LRRC4C: variants seen among roughly 807,000 people sequenced by gnomAD.
LRRC4C encodes leucine rich repeat containing 4C.
In LRRC4C, 5 loss-of-function variants were observed where a neutral mutation model predicts 33.6. The observed-to-expected ratio is 0.15, with a 90% CI of 0.08 to 0.31. The LOEUF (loss-of-function observed/expected upper bound fraction) is 0.31. Among genes scored for constraint, LRRC4C ranks in the 10% least tolerant of loss-of-function variants. The pLI is 1.00. For synonymous variants in LRRC4C, 329 were observed against 302.0 expected (o/e 1.09, Z -0.93); for missense variants, 560 against 796.7 (o/e 0.70, Z 3.58).
chr11:40,211,854 G>T (rs1337196185), intron 5 of LRRC4C, among the ~76,000 whole-genome samples: 1 of 152,048 alleles, frequency 6.6e-6, no homozygotes, highest in Non-Finnish European at 1.5e-5. Context: ...GAGCTTTAGC[G>T]GTCACTGTGG....
chr11:41,255,057 A>C (rs1470682493), intron 1 of LRRC4C, among the ~76,000 whole-genome samples: 1 of 152,034 alleles, frequency 6.6e-6, no homozygotes, highest in Non-Finnish European at 1.5e-5. Context: ...CAAGGGTAAA[A>C]TTAACCTATG....
intron 1 of LRRC4C, among the ~76,000 whole-genome samples, chr11:41,062,061 G>T (rs1387102874): frequency 6.6e-6 from 1 of 152,272 alleles, no homozygotes; most frequent in Non-Finnish European, 1.5e-5. Context: ...TGGCAGAAGG[G>T]AGTTCTCACT....
chr11:40,773,015 A>C (rs2137188741), intron 2 of LRRC4C, among the ~76,000 whole-genome samples: 1 of 152,334 alleles, frequency 6.6e-6, no homozygotes, highest in African/African-American at 2.4e-5. Context: ...AGTACCATTC[A>C]GTCATAAAAA....
chr11:40,919,489 A>C (rs1232994411), intron 2 of LRRC4C, among the ~76,000 whole-genome samples: 1 of 152,106 alleles, frequency 6.6e-6, no homozygotes, highest in Admixed American at 6.6e-5. Flanking sequence ...TTATCCCTTG[A>C]TTACCTTATT....
intron 1 of LRRC4C, among the ~76,000 whole-genome samples, chr11:41,179,976 G>A (rs1321008693): frequency 1.3e-5 from 2 of 152,082 alleles, no homozygotes; most frequent in Non-Finnish European, 2.9e-5. Context: ...TAAATGTAAG[G>A]GCCGCTGTGG....
chr11:40,717,032 C>T (rs1946761035), intron 2 of LRRC4C, among the ~76,000 whole-genome samples: 1 of 152,118 alleles, frequency 6.6e-6, no homozygotes. Context: ...TTTGTTCTCA[C>T]CCTGGAAGAT....
At chr11:40,296,555 C>A (rs2136631880) in intron 4 of LRRC4C, among the ~76,000 whole-genome samples, 1 of 152,254 alleles carries the variant, frequency 6.6e-6, no homozygotes, top group Non-Finnish European at 1.5e-5. Flanking sequence ...CAATTATCAG[C>A]ATGCAGGCTG....
intron 1 of LRRC4C, among the ~76,000 whole-genome samples, chr11:41,127,152 G>C (rs927865671): frequency 2.6e-5 from 4 of 151,628 alleles, no homozygotes; most frequent in Admixed American, 6.6e-5. Context: ...ACCACACTTT[G>C]CTAATAATTC....
intron 2 of LRRC4C, among the ~76,000 whole-genome samples, chr11:40,838,700 A>G (rs1438262062): frequency 6.6e-6 from 1 of 151,948 alleles, no homozygotes; most frequent in Admixed American, 6.6e-5. Context: ...ACCCACACAC[A>G]TAAGTATTTA....
intron 1 of LRRC4C, among the ~76,000 whole-genome samples, chr11:41,085,179 T>G (rs1250393954): frequency 2.0e-5 from 3 of 152,186 alleles, no homozygotes; most frequent in Admixed American, 6.5e-5. Flanking sequence ...CTGAAACATC[T>G]ATTCAATGCT....
intron 2 of LRRC4C, among the ~76,000 whole-genome samples, chr11:40,907,319 T>G (rs181297164): frequency 6.6e-6 from 1 of 152,216 alleles, no homozygotes; most frequent in Non-Finnish European, 1.5e-5. Flanking sequence ...TCGCTAAACA[T>G]GCTTCAGTGA....
At chr11:40,346,323 G>A (rs955286226) in intron 3 of LRRC4C, among the ~76,000 whole-genome samples, 1 of 152,062 alleles carries the variant, frequency 6.6e-6, no homozygotes, top group African/African-American at 2.4e-5. Flanking sequence ...TAATAGACTG[G>A]ATAAAGAAAA....
chr11:40,342,085 T>C (rs1946895000), intron 3 of LRRC4C, among the ~76,000 whole-genome samples: 2 of 151,908 alleles, frequency 1.3e-5, no homozygotes, highest in African/African-American at 4.8e-5. Context: ...AATTCAAGAG[T>C]ATTATTATGA....
At chr11:40,788,173 C>A (rs1950490037) in intron 2 of LRRC4C, among the ~76,000 whole-genome samples, 1 of 152,130 alleles carries the variant, frequency 6.6e-6, no homozygotes, top group South Asian at 2.1e-4. Flanking sequence ...CAAATTTAAT[C>A]CCAGGTTCTC....
intron 2 of LRRC4C, among the ~76,000 whole-genome samples, chr11:40,758,780 A>C (rs1469624031): frequency 6.6e-6 from 1 of 151,900 alleles, no homozygotes. Context: ...GACCTTGCTC[A>C]TTTTTCATTC....
At chr11:40,792,015 T>A (rs1024797386) in intron 2 of LRRC4C, among the ~76,000 whole-genome samples, 1 of 152,082 alleles carries the variant, frequency 6.6e-6, no homozygotes, top group African/African-American at 2.4e-5. Flanking sequence ...ATATATTATT[T>A]TACTCCACCA....
At position 40,136,392 on chromosome 11, in the gene LRRC4C, G is replaced by A. The variant is rs942298839; in HGVS notation, c.-43+4409C>T. ...CGCCATTCTCCTGCCTCAGCCTCCC[G>A]AGTAGCTGGGACTACAGGCACCTGC... On this transcript the variant is annotated intron_variant, in intron 6 of 6. Coordinates refer to ENST00000528697, the MANE Select transcript of LRRC4C (RefSeq NM_001258419.2). 1.3e-4 allele frequency among the ~76,000 whole-genome samples: 19 copies of A among 151,612 alleles called. No homozygotes were observed. In the South Asian group the frequency reaches 2.9e-3, roughly 23 times the overall value.
intron 4 of LRRC4C, among the ~76,000 whole-genome samples, chr11:40,303,832 C>T (rs191666773): frequency 8.5e-5 from 13 of 152,184 alleles, no homozygotes; most frequent in Admixed American, 5.2e-4. Flanking sequence ...TTAGATTTTA[C>T]GCTTTTATTA....
At chr11:41,226,944 G>A (rs1947568389) in intron 1 of LRRC4C, among the ~76,000 whole-genome samples, 1 of 151,888 alleles carries the variant, frequency 6.6e-6, no homozygotes, top group Admixed American at 6.6e-5. Flanking sequence ...CACAGTACAA[G>A]CATTTGTTAT....
Sources: allele counts gnomAD v4.1 joint callset (sites outside exome capture counted in the v4.1 genomes callset), GRCh38; gene constraint gnomAD v4.1.1; transcripts MANE v1.5; gene names NCBI Gene and HGNC (gene_info 2026-07-23, HGNC 2026-07-21).